BTBD7: variants seen among roughly 807,000 people sequenced by gnomAD.
The protein encoded by BTBD7 is BTB/POZ domain-containing protein 7.
In BTBD7, 38 loss-of-function variants were observed where a neutral mutation model predicts 99.9. The observed-to-expected ratio is 0.38, with a 90% CI of 0.29 to 0.50. The LOEUF is 0.50. Among genes scored for constraint, BTBD7 ranks in the 20% least tolerant of loss-of-function variants. The pLI, the probability that BTBD7 is intolerant of heterozygous loss-of-function variation, is 0.93. For synonymous variants in BTBD7, 520 were observed against 511.4 expected, an observed-to-expected ratio of 1.02 and a Z score of -0.23; for missense variants, 1,170 against 1,394.6, an observed-to-expected ratio of 0.84 and a Z score of 2.57.
chr14:93,320,596 G>C (rs1595342192), intron 1 of BTBD7, among the ~76,000 whole-genome samples: 1 of 151,334 alleles, frequency 6.6e-6, no homozygotes, highest in Non-Finnish European at 1.5e-5. Context: ...AATTACAGCA[G>C]AATTACAGCT....
intron 6 of BTBD7, 131 bp downstream of exon 6, chr14:93,257,064 A>G: frequency 1.1e-6 from 1 of 870,548 alleles, no homozygotes; most frequent in Non-Finnish European, 1.8e-6. Flanking sequence ...CACAATAGAC[A>G]TCTGTCTCTG....
chr14:93,315,375 T>C (rs1368047893), intron 1 of BTBD7, among the ~76,000 whole-genome samples: 1 of 152,244 alleles, frequency 6.6e-6, no homozygotes, highest in Non-Finnish European at 1.5e-5. Context: ...GGATAAATTT[T>C]CCAAATAACT....
intron 1 of BTBD7, among the ~76,000 whole-genome samples, chr14:93,308,990 T>C (rs909984748): frequency 6.6e-6 from 1 of 152,198 alleles, no homozygotes; most frequent in African/African-American, 2.4e-5. Flanking sequence ...GTAAATGTTA[T>C]GTATTTTTAA....
At chr14:93,307,251 A>T (rs1381443336) in intron 1 of BTBD7, among the ~76,000 whole-genome samples, 6 of 152,176 alleles carry the variant, frequency 3.9e-5, no homozygotes, top group African/African-American at 1.4e-4. Context: ...GCCTGGGCTC[A>T]AGCAATCCTC....
chr14:93,327,214 TATAATA>T (rs929092344), intron 1 of BTBD7, among the ~76,000 whole-genome samples: 6 of 152,344 alleles, frequency 3.9e-5, no homozygotes, highest in South Asian at 4.1e-4. Context: ...TAAAAAATTA[TATAATA>T]ATATGTTTTT....
intron 1 of BTBD7, among the ~76,000 whole-genome samples, chr14:93,328,531 G>A (rs2053359327): frequency 6.7e-6 from 1 of 148,348 alleles, no homozygotes; most frequent in Non-Finnish European, 1.5e-5. Context: ...CTCAACAAAT[G>A]GTAATGCAAA....
At chr14:93,265,504 G>A (rs987212945) in intron 3 of BTBD7, among the ~76,000 whole-genome samples, 2 of 152,266 alleles carry the variant, frequency 1.3e-5, no homozygotes, top group African/African-American at 2.4e-5. Context: ...GTACAAATGA[G>A]ATCTTTGCAG....
chr14:93,251,214 C>T (rs1243952264), intron 8 of BTBD7, among the ~76,000 whole-genome samples: 1 of 152,140 alleles, frequency 6.6e-6, no homozygotes, highest in African/African-American at 2.4e-5. Context: ...TAATCCAGCC[C>T]CAAATGTCAG....
chr14:93,252,093 T>A lies in BTBD7; in HGVS notation c.1753-441A>T, dbSNP rs544981550. Among the ~76,000 whole-genome samples the A allele has an allele frequency of 5.3e-4, 81 of 152,170 alleles. No homozygotes were observed. The South Asian group carries it at 0.016, about 31-fold the overall frequency. ...GGGAGGCTGAGGTGGGTAGATCACC[T>A]GAGGTCATGAGTTCAAGACCAGTCT... is the stretch of plus-strand genomic sequence containing the variant. On this transcript the variant is annotated intron_variant, in intron 7 of 10. Transcript: ENST00000334746.
chr14:93,293,241 C>T (rs897559119), intron 3 of BTBD7, among the ~76,000 whole-genome samples: 3 of 152,070 alleles, frequency 2.0e-5, no homozygotes, highest in Non-Finnish European at 4.4e-5. Flanking sequence ...AAAAACGTGC[C>T]GTCCTAATTT....
chr14:93,312,782 C>T (rs559693407), intron 1 of BTBD7, among the ~76,000 whole-genome samples: 3 of 152,164 alleles, frequency 2.0e-5, no homozygotes, highest in African/African-American at 7.2e-5. Flanking sequence ...CAGCCCACTG[C>T]CACTGGACTG....
At chr14:93,259,878 G>A (rs1179697227) in intron 5 of BTBD7, among the ~76,000 whole-genome samples, 2 of 152,104 alleles carry the variant, frequency 1.3e-5, no homozygotes, top group Admixed American at 1.3e-4. Flanking sequence ...AGGTTGCAGC[G>A]AGCTGAGATC....
At chr14:93,309,526 G>A (rs1439143669) in intron 1 of BTBD7, among the ~76,000 whole-genome samples, 8 of 151,418 alleles carry the variant, frequency 5.3e-5, no homozygotes, top group African/African-American at 1.5e-4. Flanking sequence ...ACAAGAAAGC[G>A]TCTCAAAAGT....
chr14:93,319,772 A>G (rs900655137), intron 1 of BTBD7, among the ~76,000 whole-genome samples: 9 of 152,216 alleles, frequency 5.9e-5, no homozygotes, highest in Non-Finnish European at 1.5e-5. Flanking sequence ...TGTATACTTA[A>G]AAATTTGTTG....
chr14:93,289,161 T>G (rs1223989734), intron 3 of BTBD7, among the ~76,000 whole-genome samples: 1 of 152,180 alleles, frequency 6.6e-6, no homozygotes, highest in African/African-American at 2.4e-5. Flanking sequence ...AAATGGAGAC[T>G]GAGTACTGAT....
chr14:93,325,317 C>A (rs888391009), intron 1 of BTBD7, among the ~76,000 whole-genome samples: 4 of 151,954 alleles, frequency 2.6e-5, no homozygotes, highest in Non-Finnish European at 5.9e-5. Context: ...GCCATGTTGG[C>A]CAGACTGGTC....
chr14:93,254,012 A>T (rs1396851156), intron 6 of BTBD7, among the ~76,000 whole-genome samples: 1 of 151,442 alleles, frequency 6.6e-6, no homozygotes, highest in African/African-American at 2.4e-5. Context: ...ATCTTGGCTC[A>T]CTGCAACCTC....
rs775196070 is a variant in BTBD7, at chr14:93,253,788, C to G, written c.1611G>C (p.Met537Ile). 14 of 1,559,910 alleles carry G rather than the reference C, an allele frequency of 9.0e-6. No homozygotes were observed. In the African/African-American group the frequency reaches 1.9e-4, roughly 21 times the overall value. Residue 537 changes from methionine to isoleucine, a missense_variant and splice_region_variant, in exon 7 of 11, where the codon ATG becomes ATC. Physicochemically the swap from Met to Ile is conservative, Grantham distance 10. This residue lies in a region of BTBD7 where 309 missense variants were observed against 342.0 expected (regional missense o/e 0.90). Coordinates refer to ENST00000334746, the MANE Select transcript of BTBD7 (RefSeq NM_001002860.4). ...GAGGAGTACTAATCAAGCCTCTTTT[C>G]ATCTAAAAAAAAATTTTTTTTTTAG... Reference protein sequence around the residue: ...PINSEVLSDAMKRGLISTPPS... With the variant: ...PINSEVLSDAIKRGLISTPPS...
intron 3 of BTBD7, among the ~76,000 whole-genome samples, chr14:93,284,745 TG>T (rs1410388673): frequency 6.6e-6 from 1 of 152,130 alleles, no homozygotes; most frequent in African/African-American, 2.4e-5. Flanking sequence ...ACTTTTAACT[TG>T]GAATGGCTAA....
Sources: gnomAD v4.1 joint callset for allele counts (sites outside exome capture counted in the v4.1 genomes callset) on GRCh38, gnomAD v4.1.1 for gene constraint, gnomAD v4.1.1 regional missense constraint, MANE v1.5 for transcripts, NCBI Gene and HGNC (gene_info 2026-07-23, HGNC 2026-07-21) for gene names.